Variants in LRRK1 observed in about 807,000 individuals in gnomAD.
LRRK1 encodes leucine-rich repeat serine/threonine-protein kinase 1.
A neutral mutation model predicts 209.1 loss-of-function variants in LRRK1; 113 were observed. The ratio of observed to expected loss-of-function variants is 0.54; its 90% CI spans 0.46 to 0.63. The LOEUF (loss-of-function observed/expected upper bound fraction) is 0.63, where lower values mean the gene tolerates loss of function less well. Ranked by LOEUF, LRRK1 falls within the 30% of genes least tolerant of loss-of-function variation. LRRK1 has a pLI of 0.00. For synonymous variants in LRRK1, 1,144 were observed against 1,099.7 expected, an observed-to-expected ratio of 1.04 and a Z score of -0.80; for missense variants, 2,284 against 2,632.2, an observed-to-expected ratio of 0.87 and a Z score of 2.89.
In LRRK1 at chr15:101,051,866, G is replaced by A. The variant is rs566023115; in HGVS notation, c.3595G>A (p.Glu1199Lys). 23 of 1,614,104 alleles carry A rather than the reference G, an allele frequency of 1.4e-5. No homozygotes were observed. In the East Asian group the frequency reaches 3.1e-4, roughly 22 times the overall value. ...GGAAGACTGTGTCCTGACGGCCATC[G>A]AGCGGGACTTCATCTCCTGCCCCAG... is the stretch of plus-strand genomic sequence containing the variant. The part of the protein sequence containing the change: ...DMEDCVLTAI[E>K]RDFISCPRHP... Residue 1199 changes from glutamate to lysine, a missense_variant, in exon 24 of 34, where the codon GAG becomes AAG. Glu to Lys is a moderately conservative substitution (Grantham distance 56). Transcript: ENST00000388948.
chr15:101,022,471 G>C lies in LRRK1; in HGVS notation c.1941G>C (p.Pro647=). ...TGAAGATGATCATCGTGGGTCCCCC[G>C]CGCCAGGGCAAGTCCACCCTCCTGG... ...KLMKMIIVGP[P]RQGKSTLLEI... The change falls in exon 15 of 34, where the codon CCG becomes CCC. Residue 647 remains proline (P), a synonymous_variant. Transcript: ENST00000388948. The surrounding 1 kb of genome is among the most constrained non-coding windows in gnomAD (Gnocchi z 4.0). The C allele has an allele frequency of 6.2e-7, 1 of 1,614,226 alleles. No homozygotes were observed. The highest frequency in any genetic ancestry group is 1.1e-5 in the South Asian group (1 of 91,082).
intron 6 of LRRK1, 111 bp downstream of exon 6, chr15:100,989,509 C>G: frequency 8.4e-7 from 1 of 1,185,514 alleles, no homozygotes; most frequent in Non-Finnish European, 1.2e-6. Flanking sequence ...GCTTACAGGT[C>G]TGGAGATTGA....
At chr15:101,049,315 A>C in intron 22 of LRRK1, 1 of 243,296 alleles carries the variant, frequency 4.1e-6, no homozygotes. Flanking sequence ...TTCTCACTTA[A>C]GGCCCAGGGT....
At position 101,065,519 on chromosome 15, in the gene LRRK1, G is replaced by T; in HGVS notation, c.5082G>T (p.Lys1694Asn). 1 of 1,614,218 alleles carries T rather than the reference G, an allele frequency of 6.2e-7. No homozygotes were observed. The highest frequency in any genetic ancestry group is 8.5e-7 in the Non-Finnish European group (1 of 1,180,034). Residue 1694 changes from lysine (K) to asparagine (N), a missense_variant, in exon 32 of 34, where the codon AAG becomes AAT. Around this residue, in one of 6 missense-constraint regions of LRRK1, gnomAD observed 643 missense variants for 695.9 expected, o/e 0.92. Transcript: ENST00000388948. ...EDARQNPYPV[K>N]AMEVVNSGSE... ...CACGGCAGAACCCCTACCCAGTGAA[G>T]GCCATGGAGGTGGTCAACAGCGGCT... is the stretch of plus-strand genomic sequence containing the variant.
intron 3 of LRRK1, among the ~76,000 whole-genome samples, chr15:100,980,649 G>A (rs1425964919): frequency 1.3e-5 from 2 of 152,162 alleles, no homozygotes; most frequent in Admixed American, 6.5e-5. Context: ...GGTTTTCTCA[G>A]TACTATCTTT....
chr15:101,013,688 C>T (rs2033391940), intron 10 of LRRK1, among the ~76,000 whole-genome samples: 1 of 152,172 alleles, frequency 6.6e-6, no homozygotes, highest in Admixed American at 6.5e-5. Flanking sequence ...GCCCCTCATC[C>T]CCCTTGGTGA....
At chr15:101,008,038 G>C (rs1422786900) in intron 6 of LRRK1, among the ~76,000 whole-genome samples, 1 of 150,088 alleles carries the variant, frequency 6.7e-6, no homozygotes, top group Non-Finnish European at 1.5e-5. Flanking sequence ...AGCTACTGAG[G>C]AGGCTGAGGC....
chr15:101,006,562 T>C (rs1054158589), intron 6 of LRRK1, among the ~76,000 whole-genome samples: 4 of 152,200 alleles, frequency 2.6e-5, no homozygotes, highest in Non-Finnish European at 5.9e-5. Context: ...TATTCTAACA[T>C]GGGCTGTGAA....
rs192220081 is a variant in LRRK1 at position 101,068,305 on chromosome 15, G to A, written c.5871-366G>A. Among the ~76,000 whole-genome samples, 325 of 152,216 alleles carry A rather than the reference G, an allele frequency of 2.1e-3. 2 individuals are homozygous for A. The highest frequency in any genetic ancestry group is 6.9e-3 in the African/African-American group (287 of 41,528). ...GTGGCAAGGGAGTTGAGTTAAACTCGGTCATGAGCCATTCACAAGCAGAAA... is the reference window on the plus strand; with the variant it reads ...GTGGCAAGGGAGTTGAGTTAAACTCAGTCATGAGCCATTCACAAGCAGAAA... On this transcript the variant is annotated intron_variant, in intron 33 of 33. Transcript: ENST00000388948.
At chr15:101,039,978 T>C (rs565839089) in intron 20 of LRRK1, among the ~76,000 whole-genome samples, 1 of 152,346 alleles carries the variant, frequency 6.6e-6, no homozygotes, top group South Asian at 2.1e-4. Context: ...CAGTGGCTCC[T>C]ATTTTGCATA....
At position 101,022,737 on chromosome 15, in the gene LRRK1, C is replaced by T. The variant is rs184159293; in HGVS notation, c.2067+140C>T. The stretch of plus-strand genomic sequence containing the variant: ...GCCCTTTGCAGGAGCCACTGTGTAC[C>T]ATTCCATACCAGCTTCTGCCAAGAG... On this transcript the variant is annotated intron_variant, in intron 15 of 33. Coordinates refer to ENST00000388948, the MANE Select transcript of LRRK1 (RefSeq NM_024652.6). This position sits in a 1 kb window ranked among gnomAD's most constrained non-coding sequence, Gnocchi z 4.0. 8 of 577,502 alleles carry T rather than the reference C, an allele frequency of 1.4e-5. No homozygotes were observed. In the South Asian group the frequency reaches 1.4e-4, roughly 10 times the overall value. The allele number at this position is 577,502 out of a possible 1,614,324, so 35.8% of individuals were successfully genotyped here. A position where few individuals can be genotyped will look rare whatever the true frequency, so the allele number is the denominator to read the frequency against.
At chr15:101,034,077 T>G (rs962856295) in intron 20 of LRRK1, among the ~76,000 whole-genome samples, 1 of 152,224 alleles carries the variant, frequency 6.6e-6, no homozygotes, top group African/African-American at 2.4e-5. Flanking sequence ...TTGAAAAATG[T>G]CTATTCATGT....
In LRRK1 at chr15:101,065,509, A is replaced by T; in HGVS notation, c.5072A>T (p.Tyr1691Phe). ...GATGAAGACGCACGGCAGAACCCCT[A>T]CCCAGTGAAGGCCATGGAGGTGGTC... ...IADEDARQNP[Y>F]PVKAMEVVNS... is the part of the protein sequence containing the mutation. Residue 1691 changes from tyrosine (Y) to phenylalanine (F), a missense_variant, in exon 32 of 34, where the codon TAC (tyrosine) becomes TTC (phenylalanine). Physicochemically the swap from Tyr to Phe is conservative, Grantham distance 22. Around this residue, in one of 6 missense-constraint regions of LRRK1, gnomAD observed 643 missense variants for 695.9 expected, o/e 0.92. Transcript: ENST00000388948. 1 of 1,614,184 alleles carries T rather than the reference A, an allele frequency of 6.2e-7. No individual in the cohort carries two copies. Among genetic ancestry groups the T allele is most frequent in the Non-Finnish European group, 8.5e-7 (1 of 1,180,028 alleles).
intron 2 of LRRK1, among the ~76,000 whole-genome samples, chr15:100,926,641 T>A (rs921535145): frequency 2.0e-5 from 3 of 151,650 alleles, no homozygotes. Context: ...TTTTTCTTTT[T>A]CATTTTCTTT....
chr15:101,026,210 G>A, intron 17 of LRRK1, 73 bp downstream of exon 17: 1 of 1,466,962 alleles, frequency 6.8e-7, no homozygotes, highest in Non-Finnish European at 9.4e-7. Flanking sequence ...GGATCAGCTT[G>A]CAGAGAGCTC....
chr15:100,932,837 T>C (rs1056341346), intron 2 of LRRK1, among the ~76,000 whole-genome samples: 3 of 152,192 alleles, frequency 2.0e-5, no homozygotes, highest in Non-Finnish European at 2.9e-5. Flanking sequence ...TTGCACCCCA[T>C]CTATCTGCTG....
At chr15:100,953,553 T>C (rs1208521963) in intron 2 of LRRK1, among the ~76,000 whole-genome samples, 1 of 151,738 alleles carries the variant, frequency 6.6e-6, no homozygotes, top group Non-Finnish European at 1.5e-5. Context: ...TGTATATGTA[T>C]ATAAGCCATA....
In LRRK1 at chr15:101,026,515, G is replaced by T. The variant is rs2034040860; in HGVS notation, c.2405+378G>T. Among the ~76,000 whole-genome samples the T allele has an allele frequency of 1.3e-5, 2 of 152,210 alleles. 1 individual carries two copies. Among genetic ancestry groups the T allele is most frequent in the South Asian group, 4.1e-4 (2 of 4,828 alleles). On this transcript the variant is annotated intron_variant, in intron 17 of 33. Coordinates refer to ENST00000388948, the MANE Select transcript of LRRK1 (RefSeq NM_024652.6). ...GGGAGGGAGGGCCAGTCCTTCCATTGGGTCTGAGTGGTCCTGATAGCAGCC... is the reference window on the plus strand; with the variant it reads ...GGGAGGGAGGGCCAGTCCTTCCATTTGGTCTGAGTGGTCCTGATAGCAGCC...
chr15:101,009,055 C>G lies in LRRK1; in HGVS notation c.981C>G (p.Ile327Met). Residue 327 changes from isoleucine (I) to methionine (M), a missense_variant, in exon 7 of 34, where the codon ATC (isoleucine) becomes ATG (methionine). Physicochemically the swap from Ile to Met is conservative, Grantham distance 10. This residue lies in a region of LRRK1 where 494 missense variants were observed against 522.1 expected (regional missense o/e 0.95). Coordinates refer to ENST00000388948, the MANE Select transcript of LRRK1 (RefSeq NM_024652.6). ...GCGTGCAGTCATCGGACGAAATCAT[C>G]TGTTCCAGGTGGCTCCCCGGGGTGT... ...LPGVQSSDEI[I>M]CSRLLEIDIS... The G allele has an allele frequency of 6.2e-7, 1 of 1,613,762 alleles. No individual in the cohort carries two copies. Among genetic ancestry groups the G allele is most frequent in the South Asian group, 1.1e-5 (1 of 91,056 alleles).
Sources: gnomAD v4.1 joint callset for allele counts (sites outside exome capture counted in the v4.1 genomes callset) on GRCh38, gnomAD v4.1.1 for gene constraint, gnomAD v4.1.1 regional missense constraint, Gnocchi (gnomAD v3.1) non-coding constraint, MANE v1.5 for transcripts, NCBI Gene and HGNC (gene_info 2026-07-23, HGNC 2026-07-21) for gene names.